CXCL13: variants seen among roughly 807,000 people sequenced by gnomAD.
CXCL13 encodes the protein C-X-C motif chemokine 13.
Under a neutral mutation model 12.2 loss-of-function variants are expected in CXCL13, and 7 were observed. The observed-to-expected ratio is 0.57, with a 90% confidence interval of 0.33 to 1.07. CXCL13 has a LOEUF of 1.07. Ranked by LOEUF, CXCL13 falls within the 50% of genes least tolerant of loss-of-function variation. The pLI is 0.04. For synonymous variants in CXCL13, 47 were observed against 42.4 expected (o/e 1.11, Z -0.42); for missense variants, 113 against 127.4 (o/e 0.89, Z 0.55).
chr4:77,518,201 G>A (rs939673066), intron 1 of CXCL13, among the ~76,000 whole-genome samples: 23 of 152,172 alleles, frequency 1.5e-4, no homozygotes, highest in African/African-American at 9.7e-5. Context: ...TGGGTAACCC[G>A]ACCTTTCTCT....
At chr4:77,604,048 C>A (rs988957404), upstream of CXCL13, among the ~76,000 whole-genome samples, 1 of 152,172 alleles carries the variant, frequency 6.6e-6, no homozygotes, top group Non-Finnish European at 1.5e-5. Context: ...GTGGCCTACT[C>A]AACTCTCTCT....
intron 1 of CXCL13, among the ~76,000 whole-genome samples, chr4:77,586,686 T>C (rs1726472315): frequency 6.6e-6 from 1 of 152,180 alleles, no homozygotes; most frequent in Non-Finnish European, 1.5e-5. Flanking sequence ...GGTGCCAGCA[T>C]GGATTTTCCT....
intron 1 of CXCL13, among the ~76,000 whole-genome samples, chr4:77,538,603 G>A (rs1725123167): frequency 6.6e-6 from 1 of 152,128 alleles, no homozygotes; most frequent in South Asian, 2.1e-4. Flanking sequence ...AGAGGTAGAA[G>A]AGGGTAATAG....
At chr4:77,610,190 A>G (rs574568600) in intron 2 of CXCL13, among the ~76,000 whole-genome samples, 7 of 152,200 alleles carry the variant, frequency 4.6e-5, no homozygotes, top group Non-Finnish European at 1.0e-4. Context: ...TTTTTCAGTG[A>G]AATTCAGGTT....
chr4:77,593,484 C>T (rs113653316), intron 1 of CXCL13, among the ~76,000 whole-genome samples: 1 of 152,176 alleles, frequency 6.6e-6, no homozygotes, highest in African/African-American at 2.4e-5. Flanking sequence ...AGCTGGTCAA[C>T]TCATGTGGCT....
chr4:77,607,288 C>G (rs1411012877), intron 1 of CXCL13, among the ~76,000 whole-genome samples: 1 of 152,192 alleles, frequency 6.6e-6, no homozygotes, highest in East Asian at 1.9e-4. Flanking sequence ...AAATATAACA[C>G]TATCACAAAT....
rs980924540 is a variant in CXCL13, at chr4:77,569,580, A to T, written c.-42-36244A>T. ...ATACAGCTAACCAGGAAGGTGAAAG[A>T]TTTCTACAAGGAGACCTACAAGATA... On this transcript the variant is annotated intron_variant, in intron 1 of 4. Transcript: ENST00000286758. Among the ~76,000 whole-genome samples, 5 of 152,190 alleles carry T rather than the reference A, an allele frequency of 3.3e-5. No individual in the cohort carries two copies. In the East Asian group the frequency reaches 9.6e-4, roughly 29 times the overall value.
At chr4:77,597,689 T>A (rs980306031) in intron 1 of CXCL13, among the ~76,000 whole-genome samples, 1 of 152,100 alleles carries the variant, frequency 6.6e-6, no homozygotes, top group African/African-American at 2.4e-5. Flanking sequence ...AAGTTGAATA[T>A]TCAAATGAAT....
chr4:77,520,218 G>A (rs1001049600), intron 1 of CXCL13, among the ~76,000 whole-genome samples: 2 of 152,120 alleles, frequency 1.3e-5, no homozygotes, highest in Non-Finnish European at 2.9e-5. Flanking sequence ...GGTTCCATAT[G>A]AACTTTAAAG....
At chr4:77,514,562 G>A (rs539372701) in intron 1 of CXCL13, among the ~76,000 whole-genome samples, 3,869 of 146,540 alleles carry the variant, frequency 0.026, 53 homozygotes, top group Middle Eastern at 0.052. Flanking sequence ...GCCAGTGATG[G>A]TGAGCATTTT....
chr4:77,522,096 C>G (rs1237523473), intron 1 of CXCL13, among the ~76,000 whole-genome samples: 2 of 152,098 alleles, frequency 1.3e-5, no homozygotes, highest in African/African-American at 4.8e-5. Flanking sequence ...GATTTCTGTT[C>G]TTTCACATTT....
chr4:77,590,615 GA>G (rs1433366310), intron 1 of CXCL13, among the ~76,000 whole-genome samples: 1 of 152,164 alleles, frequency 6.6e-6, no homozygotes, highest in Non-Finnish European at 1.5e-5. Context: ...CTCCTGTATA[GA>G]AAACCGAATA....
intron 1 of CXCL13, among the ~76,000 whole-genome samples, chr4:77,543,226 G>C (rs1244988232): frequency 6.6e-6 from 1 of 151,720 alleles, no homozygotes; most frequent in Non-Finnish European, 1.5e-5. Flanking sequence ...TGTCATTTCT[G>C]GTTGTGCTTA....
intron 1 of CXCL13, among the ~76,000 whole-genome samples, chr4:77,546,281 T>C (rs1315263842): frequency 6.6e-6 from 1 of 152,326 alleles, no homozygotes; most frequent in Admixed American, 6.5e-5. Context: ...TTAAGGAGGA[T>C]GCCCTCTTTT....
At chr4:77,570,379 T>C (rs1252287994) in intron 1 of CXCL13, among the ~76,000 whole-genome samples, 1 of 152,038 alleles carries the variant, frequency 6.6e-6, no homozygotes, top group African/African-American at 2.4e-5. Context: ...CTGACAAAGG[T>C]CTAATATCCA....
chr4:77,582,923 C>T (rs1419640739), intron 1 of CXCL13, among the ~76,000 whole-genome samples: 1 of 152,132 alleles, frequency 6.6e-6, no homozygotes, highest in African/African-American at 2.4e-5. Flanking sequence ...CAGAAAATTT[C>T]AAGGCTTTCC....
chr4:77,582,439 T>C (rs925268700), intron 1 of CXCL13, among the ~76,000 whole-genome samples: 6 of 152,224 alleles, frequency 3.9e-5, no homozygotes, highest in African/African-American at 9.6e-5. Context: ...GAATTTATGT[T>C]TGTCCAGTTC....
At chr4:77,603,984 G>A (rs1029561482), upstream of CXCL13, among the ~76,000 whole-genome samples, 1 of 152,162 alleles carries the variant, frequency 6.6e-6, no homozygotes, top group Non-Finnish European at 1.5e-5. Context: ...GCCAGGCTGA[G>A]CTCAGACTTT....
intron 1 of CXCL13, among the ~76,000 whole-genome samples, chr4:77,597,919 A>C (rs1324778904): frequency 6.6e-6 from 1 of 152,190 alleles, no homozygotes; most frequent in Non-Finnish European, 1.5e-5. Context: ...GTATAAGAGA[A>C]TCCCTGCCCT....
Sources: allele counts gnomAD v4.1 joint callset (sites outside exome capture counted in the v4.1 genomes callset), GRCh38; gene constraint gnomAD v4.1.1; transcripts MANE v1.5; gene names NCBI Gene and HGNC (gene_info 2026-07-23, HGNC 2026-07-21).